SOX6: variants seen among roughly 807,000 people sequenced by gnomAD.
SOX6 encodes transcription factor SOX-6.
Under a neutral mutation model 97.8 loss-of-function variants are expected in SOX6, and 11 were observed. That is an observed-to-expected ratio of 0.11 (90% CI 0.07 to 0.19). The LOEUF (loss-of-function observed/expected upper bound fraction) is 0.19. SOX6 is among the 10% of genes least tolerant of loss of function. The pLI, the probability that SOX6 is intolerant of heterozygous loss-of-function variation, is 1.00. For missense variants in SOX6, 810 were observed against 1,039.5 expected (o/e 0.78, Z 3.04); for synonymous variants, 360 against 371.4 (o/e 0.97, Z 0.35).
intron 3 of SOX6, among the ~76,000 whole-genome samples, chr11:16,635,632 C>T (rs1315424052): frequency 6.6e-6 from 1 of 152,196 alleles, no homozygotes; most frequent in African/African-American, 2.4e-5. Flanking sequence ...GAGCCAAATG[C>T]TAATCACCAA....
chr11:16,022,331 T>TTTCTTTCC (rs1701783033), intron 12 of SOX6, among the ~76,000 whole-genome samples: 4 of 113,790 alleles, frequency 3.5e-5, no homozygotes, highest in Non-Finnish European at 5.3e-5. Context: ...TCCTTCCTTC[T>TTTCTTTCC]TTCCTTCCTT....
At chr11:16,337,315 C>T (rs781512117) in intron 2 of SOX6, among the ~76,000 whole-genome samples, 5 of 152,058 alleles carry the variant, frequency 3.3e-5, no homozygotes, top group Non-Finnish European at 7.4e-5. Flanking sequence ...AATCTGCAGA[C>T]AAGATCACCA....
rs780465802 is a variant in SOX6, at chr11:15,989,039, C to A, written c.1924G>T (p.Ala642Ser). Reference protein sequence around the residue: ...AKDERRKILQAFPDMHNSNIS... With the variant: ...AKDERRKILQSFPDMHNSNIS... ...TTGGAGTTATGCATGTCGGGGAAGGCCTGAAGGATTTTTCTCCTCTCATCC... is the reference window on the plus strand; with the variant it reads ...TTGGAGTTATGCATGTCGGGGAAGGACTGAAGGATTTTTCTCCTCTCATCC... The change falls in exon 14 of 16, where the codon GCC (alanine) becomes TCC (serine). Residue 642 changes from alanine (A) to serine (S), a missense_variant. Physicochemically the swap from Ala to Ser is moderately conservative, Grantham distance 99. Coordinates refer to ENST00000683767, the MANE Select transcript of SOX6 (RefSeq NM_001367873.1). 1.7e-5 allele frequency: 27 copies of A among 1,614,176 alleles called. 1 individual carries two copies. In the South Asian group the frequency reaches 3.0e-4, roughly 18 times the overall value.
intron 15 of SOX6, among the ~76,000 whole-genome samples, chr11:15,978,942 AT>A (rs1853579901): frequency 1.4e-5 from 2 of 138,774 alleles, no homozygotes; most frequent in Admixed American, 1.5e-4. Context: ...TATATATAAA[AT>A]AAGCATATAT....
intron 9 of SOX6, among the ~76,000 whole-genome samples, chr11:16,070,207 G>A (rs1488763447): frequency 6.6e-6 from 1 of 151,956 alleles, no homozygotes; most frequent in Non-Finnish European, 1.5e-5. Flanking sequence ...AGTTTCCCTA[G>A]CTAAAGGTCC....
At chr11:16,728,833 G>GA (rs1192161519) in intron 2 of SOX6, among the ~76,000 whole-genome samples, 6 of 152,048 alleles carry the variant, frequency 3.9e-5, no homozygotes, top group Non-Finnish European at 5.9e-5. Context: ...TAAGAACCCT[G>GA]AAAAAAGGTT....
chr11:16,461,487 G>T (rs1261968462), intron 1 of SOX6, among the ~76,000 whole-genome samples: 1 of 152,006 alleles, frequency 6.6e-6, no homozygotes, highest in Non-Finnish European at 1.5e-5. Context: ...AAATTTTCTA[G>T]CCTATACATA....
intron 4 of SOX6, among the ~76,000 whole-genome samples, chr11:16,501,329 A>C (rs1860702793): frequency 9.5e-6 from 1 of 105,090 alleles, no homozygotes; most frequent in Middle Eastern, 4.4e-3. Flanking sequence ...TTAAAGACTT[A>C]AATGTTAGAC....
At chr11:16,257,961 ATATAT>A (rs1853744909) in intron 3 of SOX6, among the ~76,000 whole-genome samples, 1 of 150,506 alleles carries the variant, frequency 6.6e-6, no homozygotes, top group South Asian at 2.1e-4. Flanking sequence ...GTCCAATATC[ATATAT>A]TATTAGAGAT....
At chr11:16,442,759 C>A (rs1859529528) in intron 1 of SOX6, among the ~76,000 whole-genome samples, 1 of 152,112 alleles carries the variant, frequency 6.6e-6, no homozygotes, top group Non-Finnish European at 1.5e-5. Context: ...TATCACATCA[C>A]ACTCCGTACA....
intron 2 of SOX6, among the ~76,000 whole-genome samples, chr11:16,730,048 A>ATC (rs1365532655): frequency 1.3e-5 from 2 of 149,344 alleles, no homozygotes; most frequent in African/African-American, 4.9e-5. Context: ...ATATATATAT[A>ATC]TCCTAAATAT....
rs553392462 is a variant in SOX6 at position 15,974,575 on chromosome 11, A to G, written c.2184-1463T>C. Among the ~76,000 whole-genome samples, 174 of 125,538 alleles carry G rather than the reference A, an allele frequency of 1.4e-3. 3 individuals carry two copies. Among genetic ancestry groups the G allele is most frequent in the East Asian group, 0.011 (43 of 4,084 alleles). The allele number at this position is 125,538 out of a possible 152,430, so 82.4% of individuals were successfully genotyped here. ...CCGACCACAGTCCCCAGAGTGTGAT[A>G]TTCCCCTTCCTGTGTCCATGTGATC... On this transcript the variant is annotated intron_variant, in intron 15 of 15. Transcript: ENST00000683767.
chr11:16,592,719 A>G (rs983153556), intron 4 of SOX6, among the ~76,000 whole-genome samples: 1 of 151,918 alleles, frequency 6.6e-6, no homozygotes. Flanking sequence ...TTTTATTGGC[A>G]TTTAAATTGC....
intron 9 of SOX6, among the ~76,000 whole-genome samples, chr11:16,058,299 T>C (rs1689534629): frequency 6.6e-6 from 1 of 152,008 alleles, no homozygotes; most frequent in Admixed American, 6.6e-5. Flanking sequence ...TCTATTCTGT[T>C]TGACAATATT....
chr11:16,136,175 C>T (rs1377742879), intron 6 of SOX6, among the ~76,000 whole-genome samples: 11 of 151,752 alleles, frequency 7.2e-5, no homozygotes, highest in African/African-American at 1.5e-4. Context: ...CGCACCAACA[C>T]GCCCAGCTAA....
chr11:16,637,982 A>G (rs886800121), intron 3 of SOX6, among the ~76,000 whole-genome samples: 2 of 150,602 alleles, frequency 1.3e-5, no homozygotes, highest in Non-Finnish European at 2.9e-5. Flanking sequence ...TTGCATATGT[A>G]TACATGTGCC....
chr11:16,539,552 A>T (rs938719704), intron 4 of SOX6, among the ~76,000 whole-genome samples: 9 of 152,292 alleles, frequency 5.9e-5, no homozygotes, highest in Non-Finnish European at 8.8e-5. Flanking sequence ...TGAAAAGATG[A>T]ACAAAATTGA....
chr11:16,679,786 C>A lies in SOX6; in HGVS notation n.429+35044G>T, dbSNP rs540928841. On this transcript the variant is annotated intron_variant and non_coding_transcript_variant, in intron 3 of 5. Coordinates refer to the SOX6 transcript ENST00000524520. Reference sequence around the variant, plus strand: ...TTAAATGACCTGATGGAGCTGAAAACCAAAGCACAAGAACTTCGTGACACA... The same window carrying A: ...TTAAATGACCTGATGGAGCTGAAAAACAAAGCACAAGAACTTCGTGACACA... Among the ~76,000 whole-genome samples the A allele has an allele frequency of 4.6e-5, 7 of 152,132 alleles. No individual in the cohort carries two copies. In the East Asian group the frequency reaches 9.6e-4, roughly 21 times the overall value.
At chr11:16,096,176 TG>T in intron 8 of SOX6, 58 bp from the exon 9 acceptor site, 1 of 1,570,420 alleles carries the variant, frequency 6.4e-7, no homozygotes, top group Non-Finnish European at 8.7e-7. Context: ...TCAGAACTCA[TG>T]AAACAGAATA....
Sources: gnomAD v4.1 joint callset for allele counts (sites outside exome capture counted in the v4.1 genomes callset) on GRCh38, gnomAD v4.1.1 for gene constraint, MANE v1.5 for transcripts, NCBI Gene and HGNC (gene_info 2026-07-23, HGNC 2026-07-21) for gene names.